The following RYR3 variants were observed in gnomAD, a reference collection of about 807,000 sequenced individuals.
RYR3 encodes brain ryanodine receptor-calcium release channel.
Under a neutral mutation model 584.3 loss-of-function variants are expected in RYR3, and 207 were observed. The ratio of observed to expected loss-of-function variants is 0.35; its 90% confidence interval spans 0.32 to 0.40. The LOEUF (loss-of-function observed/expected upper bound fraction) is 0.40, where lower values mean the gene tolerates loss of function less well. RYR3 is among the 10% of genes least tolerant of loss of function. The pLI, the probability that RYR3 is intolerant of heterozygous loss-of-function variation, is 1.00. For missense variants in RYR3, 5,616 were observed against 6,089.2 expected (o/e 0.92, Z 2.59); for synonymous variants, 2,416 against 2,248.5 (o/e 1.07, Z -2.11).
chr15:33,665,443 C>T (rs2063442057), intron 36 of RYR3, among the ~76,000 whole-genome samples: 1 of 152,156 alleles, frequency 6.6e-6, no homozygotes, highest in Non-Finnish European at 1.5e-5. Flanking sequence ...GAGATATTTG[C>T]AATTGCTTCA....
intron 10 of RYR3, 24 bp from the exon 11 acceptor site, chr15:33,562,813 T>A: frequency 6.3e-7 from 1 of 1,582,682 alleles, no homozygotes; most frequent in Middle Eastern, 1.7e-4. Flanking sequence ...TGCCTATGTT[T>A]GTTTCTTTTT....
chr15:33,444,352 T>C (rs1176773614), intron 1 of RYR3, among the ~76,000 whole-genome samples: 2 of 152,202 alleles, frequency 1.3e-5, no homozygotes, highest in African/African-American at 4.8e-5. Flanking sequence ...ATATTTATTT[T>C]GCTAATTTCA....
intron 43 of RYR3, among the ~76,000 whole-genome samples, chr15:33,708,813 G>A (rs192402611): frequency 1.1e-3 from 170 of 152,320 alleles, no homozygotes; most frequent in Middle Eastern, 0.01. Context: ...AAGGAGGGGA[G>A]GGGGTTCTTA....
At chr15:33,628,339 C>T in intron 20 of RYR3, 132 bp from the exon 21 acceptor site, 1 of 620,238 alleles carries the variant, frequency 1.6e-6, no homozygotes, top group Non-Finnish European at 2.9e-6. Flanking sequence ...GCATGTGGGT[C>T]AGGCAGCATG....
At chr15:33,801,699 C>T (rs1490670830) in intron 68 of RYR3, among the ~76,000 whole-genome samples, 170 bp from the exon 69 acceptor site, 3 of 152,136 alleles carry the variant, frequency 2.0e-5, no homozygotes, top group African/African-American at 7.2e-5. Context: ...TATAATGAGA[C>T]ATGCCTGACC....
At chr15:33,504,302 G>T (rs1405205286) in intron 3 of RYR3, among the ~76,000 whole-genome samples, 1 of 152,198 alleles carries the variant, frequency 6.6e-6, no homozygotes, top group Non-Finnish European at 1.5e-5. Context: ...TATTGCCTAT[G>T]TCAGAAGGCT....
rs1350994839 is a variant in RYR3 at position 33,349,656 on chromosome 15, CA to C, written c.51+38561del. Among the ~76,000 whole-genome samples the C allele has an allele frequency of 2.0e-5, 3 of 149,634 alleles. No individual in the cohort carries two copies. In the East Asian group the frequency reaches 5.9e-4, roughly 30 times the overall value. On this transcript the variant is annotated intron_variant, in intron 1 of 103. Coordinates refer to ENST00000634891, the MANE Select transcript of RYR3 (RefSeq NM_001036.6). Reference sequence around the variant, plus strand: ...ATGTGCACAATGTGCAGGTTCGTTACATATGTATACATGTGCCATGCTGGTG... The same window carrying C: ...ATGTGCACAATGTGCAGGTTCGTTACTATGTATACATGTGCCATGCTGGTG...
intron 1 of RYR3, among the ~76,000 whole-genome samples, chr15:33,466,161 C>A (rs1226960114): frequency 6.6e-6 from 1 of 151,994 alleles, no homozygotes; most frequent in African/African-American, 2.4e-5. Context: ...TTTTTAAAGC[C>A]ATGTAACCAA....
chr15:33,831,058 G>A lies in RYR3; in HGVS notation c.11430G>A (p.Lys3810=), dbSNP rs527971017. ...TTTCCAAAGCTCTGGCAGTCACCAA[G>A]CAGATTTTCAATTCTCTTACAGAAT... ...HNFSKALAVT[K]QIFNSLTEYI... The change falls in exon 86 of 104, where the codon AAG becomes AAA. Residue 3810 remains lysine, a synonymous_variant. Coordinates refer to ENST00000634891, the MANE Select transcript of RYR3 (RefSeq NM_001036.6). 5.9e-5 allele frequency: 95 copies of A among 1,613,572 alleles called. No homozygotes were observed. The highest frequency in any genetic ancestry group is 8.0e-5 in the Non-Finnish European group (94 of 1,179,820).
chr15:33,742,161 A>G (rs2070208043), intron 51 of RYR3, among the ~76,000 whole-genome samples: 2 of 152,096 alleles, frequency 1.3e-5, no homozygotes, highest in South Asian at 4.1e-4. Context: ...CCATGGTTAG[A>G]CTTGGGTGCG....
intron 16 of RYR3, among the ~76,000 whole-genome samples, chr15:33,593,379 G>A (rs759201427): frequency 6.6e-6 from 1 of 152,090 alleles, no homozygotes; most frequent in Admixed American, 6.6e-5. Context: ...GGTCCCAAAA[G>A]CTAATTTTTA....
chr15:33,342,903 T>C (rs1410483655), intron 1 of RYR3, among the ~76,000 whole-genome samples: 1 of 152,210 alleles, frequency 6.6e-6, no homozygotes, highest in Non-Finnish European at 1.5e-5. Flanking sequence ...CAGCGACATA[T>C]GACATATAAG....
intron 10 of RYR3, among the ~76,000 whole-genome samples, chr15:33,551,652 C>T (rs1014701045): frequency 2.0e-5 from 3 of 152,100 alleles, no homozygotes; most frequent in East Asian, 1.9e-4. Context: ...TCTTCCTAAC[C>T]GTCTCTCAAA....
intron 2 of RYR3, among the ~76,000 whole-genome samples, chr15:33,495,558 A>T (rs933075917): frequency 2.6e-5 from 4 of 152,182 alleles, no homozygotes; most frequent in Admixed American, 2.0e-4. Flanking sequence ...TTTCATGGAT[A>T]CATTTAAAAT....
Position 33,379,685 on chromosome 15 carries a change from CTCTA to C in RYR3, c.51+68591_51+68594del, listed in dbSNP as rs1176622768. Among the ~76,000 whole-genome samples, 532 of 117,854 alleles carry C rather than the reference CTCTA, an allele frequency of 4.5e-3. 5 individuals are homozygous for C. Among genetic ancestry groups the C allele is most frequent in the African/African-American group, 0.019 (474 of 24,960 alleles). 77.3% of individuals were successfully genotyped at this position (117,854 alleles called of 152,430 possible). On this transcript the variant is annotated intron_variant, in intron 1 of 103. Coordinates refer to ENST00000634891, the MANE Select transcript of RYR3 (RefSeq NM_001036.6). ...TGTGTCCCTCTCTCTCTCTCTCTCTCTCTATATATATATATATATATATGAATTT... is the reference window on the plus strand; with the variant it reads ...TGTGTCCCTCTCTCTCTCTCTCTCTCTATATATATATATATATATGAATTT...
At chr15:33,778,031 G>A (rs1019429019) in intron 64 of RYR3, among the ~76,000 whole-genome samples, 1 of 152,102 alleles carries the variant, frequency 6.6e-6, no homozygotes, top group Admixed American at 6.5e-5. Flanking sequence ...TTAGTCGGGT[G>A]TGGTGGTGCG....
chr15:33,417,180 T>C (rs907440539), intron 1 of RYR3, among the ~76,000 whole-genome samples: 4 of 152,304 alleles, frequency 2.6e-5, no homozygotes, highest in Middle Eastern at 3.4e-3. Flanking sequence ...TGGGGCTTTT[T>C]TGGTTTCATA....
chr15:33,597,966 G>A (rs1029423993), intron 16 of RYR3, among the ~76,000 whole-genome samples: 17 of 151,120 alleles, frequency 1.1e-4, no homozygotes, highest in South Asian at 2.1e-4. Flanking sequence ...ACAACCCTAG[G>A]CAATTGTCAG....
rs11857521 is a variant in RYR3 at position 33,435,267 on chromosome 15, T to C, written c.52-38152T>C. On this transcript the variant is annotated intron_variant, in intron 1 of 103. Transcript: ENST00000634891. ...TTATTTTTCCTGATTCTCCAACCTC[T>C]GATAATTATAATTTTTATATAGATG... is the stretch of plus-strand genomic sequence containing the variant. Among the ~76,000 whole-genome samples, 803 of 152,306 alleles carry C rather than the reference T, an allele frequency of 5.3e-3. 6 individuals are homozygous for C. The highest frequency in any genetic ancestry group is 0.018 in the African/African-American group (762 of 41,566).
Sources: allele counts gnomAD v4.1 joint callset (sites outside exome capture counted in the v4.1 genomes callset), GRCh38; gene constraint gnomAD v4.1.1; transcripts MANE v1.5; gene names NCBI Gene and HGNC (gene_info 2026-07-23, HGNC 2026-07-21).